The following ATL2 variants were observed in gnomAD, a reference collection of about 807,000 sequenced individuals.
ATL2 encodes atlastin-2.
Under a neutral mutation model 73.9 loss-of-function variants are expected in ATL2, and 31 were observed. That is an observed-to-expected ratio of 0.42 (90% CI 0.32 to 0.57). The LOEUF (loss-of-function observed/expected upper bound fraction) is 0.57, where lower values mean the gene tolerates loss of function less well. Ranked by LOEUF, ATL2 falls within the 20% of genes least tolerant of loss-of-function variation. The pLI is 0.14. For synonymous variants in ATL2, 291 were observed against 237.5 expected (o/e 1.23, Z -2.07); for missense variants, 738 against 702.6 (o/e 1.05, Z -0.57).
rs545103164 is a variant in ATL2, at chr2:38,315,509, A to T, written c.604-175T>A. On this transcript the variant is annotated intron_variant, in intron 4 of 12. Coordinates refer to ENST00000378954, the MANE Select transcript of ATL2 (RefSeq NM_001135673.4). ...GGATTTTCTCTTTTTTCCTAACAAT[A>T]GTCAAGATAGAATATTAAGGAAGAA... is the stretch of plus-strand genomic sequence containing the variant. Among the ~76,000 whole-genome samples, 192 of 152,268 alleles carry T rather than the reference A, an allele frequency of 1.3e-3. 5 individuals carry two copies. The highest frequency in any genetic ancestry group is 0.012 in the Admixed American group (190 of 15,294).
At position 38,325,627 on chromosome 2, in the gene ATL2, TACACACACAC is replaced by T. The variant is rs768444431; in HGVS notation, c.364-6618_364-6609del. Among the ~76,000 whole-genome samples, 274 of 53,446 alleles carry T rather than the reference TACACACACAC, an allele frequency of 5.1e-3. 3 individuals carry two copies. Among genetic ancestry groups the T allele is most frequent in the Non-Finnish European group, 0.01 (195 of 19,176 alleles). 35.1% of individuals were successfully genotyped at this position (53,446 alleles called of 152,430 possible). A position where few individuals can be genotyped will look rare whatever the true frequency, so the allele number is the denominator to read the frequency against. The stretch of plus-strand genomic sequence containing the variant: ...CACTATCTACACACACACCAGTACA[TACACACACAC>T]ACACACACACACACACACACCAGTA... On this transcript the variant is annotated intron_variant, in intron 2 of 12. Transcript: ENST00000378954.
chr2:38,343,149 TAAAAAAAAA>T (rs59215933), intron 2 of ATL2, 110 bp downstream of exon 2: 108 of 364,536 alleles, frequency 3.0e-4, no homozygotes, highest in Admixed American at 1.6e-3. Context: ...CCACTTAAAT[TAAAAAAAAA>T]AAAAAAAAAA....
At position 38,339,190 on chromosome 2, in the gene ATL2, T is replaced by C. The variant is rs772019922; in HGVS notation, c.363+4078A>G. Among the ~76,000 whole-genome samples the C allele has an allele frequency of 2.6e-5, 4 of 152,116 alleles. No homozygotes were observed. The East Asian group carries it at 7.7e-4, about 29-fold the overall frequency. On this transcript the variant is annotated intron_variant, in intron 2 of 12. Coordinates refer to ENST00000378954, the MANE Select transcript of ATL2 (RefSeq NM_001135673.4). The stretch of plus-strand genomic sequence containing the variant: ...GAGACTGCGCTACTGCACTCCAGCC[T>C]GGGCAACGAGGGAAACTACGTCTCA...
At chr2:38,327,843 G>T (rs191754323) in intron 2 of ATL2, among the ~76,000 whole-genome samples, 118 of 152,320 alleles carry the variant, frequency 7.7e-4, no homozygotes, top group Non-Finnish European at 2.5e-4. Flanking sequence ...GGCTAAGGCA[G>T]AAGAACCATT....
rs749143248 is a variant in ATL2 at position 38,343,505 on chromosome 2, A to G, written c.126T>C (p.Asn42=). The change falls in exon 2 of 13, where the codon AAT becomes AAC. Residue 42 remains asparagine (N), a synonymous_variant. Coordinates refer to ENST00000378954, the MANE Select transcript of ATL2 (RefSeq NM_001135673.4). The part of the protein sequence containing the change: ...HVSSTTSLGE[N]YEDDDLVNSD... The stretch of plus-strand genomic sequence containing the variant: ...AATTTACTAGGTCATCATCTTCATA[A>G]TTCTCACCTAGAATTTAAAAAGAAA... 6.2e-7 allele frequency: 1 copy of G among 1,602,700 alleles called. No homozygotes were observed. Among genetic ancestry groups the G allele is most frequent in the Non-Finnish European group, 8.5e-7 (1 of 1,174,438 alleles).
At chr2:38,296,884 A>C (rs956406311) in intron 12 of ATL2, among the ~76,000 whole-genome samples, 2 of 152,220 alleles carry the variant, frequency 1.3e-5, no homozygotes, top group Non-Finnish European at 2.9e-5. Flanking sequence ...AATGCTGTTT[A>C]AGAGATGAAT....
At chr2:38,301,380 A>G (rs1416475311) in intron 9 of ATL2, among the ~76,000 whole-genome samples, 1 of 152,234 alleles carries the variant, frequency 6.6e-6, no homozygotes, top group Non-Finnish European at 1.5e-5. Context: ...TCAAATTGAC[A>G]ACTATCTACA....
upstream of ATL2, among the ~76,000 whole-genome samples, chr2:38,378,458 T>G (rs375472028): frequency 7.2e-5 from 11 of 152,302 alleles, no homozygotes; most frequent in African/African-American, 2.4e-4. Flanking sequence ...AGGCTGGTCT[T>G]GAGCTACTGA....
intron 1 of ATL2, among the ~76,000 whole-genome samples, chr2:38,371,335 C>T (rs1242845938): frequency 6.6e-6 from 1 of 151,986 alleles, no homozygotes; most frequent in Non-Finnish European, 1.5e-5. Context: ...AGGGAGACCA[C>T]ATCTCCACAA....
At chr2:38,373,936 G>A (rs1431296534) in intron 1 of ATL2, among the ~76,000 whole-genome samples, 2 of 152,164 alleles carry the variant, frequency 1.3e-5, no homozygotes, top group Non-Finnish European at 1.5e-5. Context: ...TTGTTGCCCA[G>A]GCTGGAGTGC....
intron 1 of ATL2, among the ~76,000 whole-genome samples, chr2:38,374,246 C>T (rs1251560764): frequency 2.6e-5 from 4 of 152,170 alleles, no homozygotes; most frequent in East Asian, 3.8e-4. Context: ...GTATCATGTG[C>T]TGTGTGGAGG....
chr2:38,337,783 T>C (rs1184394577), intron 2 of ATL2, among the ~76,000 whole-genome samples: 1 of 152,014 alleles, frequency 6.6e-6, no homozygotes, highest in Non-Finnish European at 1.5e-5. Flanking sequence ...TTGCCTACTT[T>C]TACATGTATT....
intron 9 of ATL2, among the ~76,000 whole-genome samples, chr2:38,305,439 C>G (rs1255009777): frequency 6.6e-6 from 1 of 152,062 alleles, no homozygotes; most frequent in Non-Finnish European, 1.5e-5. Flanking sequence ...GTCTCAGCTA[C>G]TCAGGAGACT....
At chr2:38,361,763 G>T (rs1429027937) in intron 1 of ATL2, among the ~76,000 whole-genome samples, 2 of 152,068 alleles carry the variant, frequency 1.3e-5, no homozygotes, top group South Asian at 2.1e-4. Context: ...CCACAGACAG[G>T]CAAGAAAACT....
chr2:38,377,364 C>T, upstream of ATL2: 2 of 919,710 alleles, frequency 2.2e-6, no homozygotes, highest in Non-Finnish European at 3.1e-6. Flanking sequence ...TAGCGCCGCT[C>T]TCCGCCTGTA....
Position 38,314,636 on chromosome 2 carries a change from A to G in ATL2, c.683T>C (p.Met228Thr). 1 of 1,600,366 alleles carries G rather than the reference A, an allele frequency of 6.2e-7. No individual in the cohort carries two copies. ...AAATGGTTTCTGGTAGATTTCTTCC[A>G]TCGCAAGTCTTCCATACTCTGTAAA... The part of the protein sequence containing the change: ...QLFTEYGRLA[M>T]EEIYQKPFQT... The change falls in exon 6 of 13, where the codon ATG becomes ACG. Residue 228 changes from methionine to threonine, a missense_variant. Met to Thr is a moderately conservative substitution (Grantham distance 81, BLOSUM62 -1). Transcript: ENST00000378954.
At chr2:38,332,920 T>G (rs150975184) in intron 2 of ATL2, among the ~76,000 whole-genome samples, 27 of 152,290 alleles carry the variant, frequency 1.8e-4, no homozygotes, top group Non-Finnish European at 2.9e-4. Flanking sequence ...CCAGGCTCAA[T>G]GGCACATGTC....
At chr2:38,347,797 C>T (rs907314989) in intron 1 of ATL2, among the ~76,000 whole-genome samples, 5 of 142,262 alleles carry the variant, frequency 3.5e-5, no homozygotes, top group Admixed American at 2.1e-4. Flanking sequence ...TAAGGCAGAG[C>T]GCTCTGTCAC....
At chr2:38,359,570 C>T (rs1458282908) in intron 1 of ATL2, 1 of 151,942 alleles carries the variant, frequency 6.6e-6, no homozygotes, top group Non-Finnish European at 1.5e-5. Context: ...AGTTGTTTTT[C>T]CTATAGGATT....
Sources: gnomAD v4.1 joint callset for allele counts (sites outside exome capture counted in the v4.1 genomes callset) on GRCh38, gnomAD v4.1.1 for gene constraint, MANE v1.5 for transcripts, NCBI Gene and HGNC (gene_info 2026-07-23, HGNC 2026-07-21) for gene names.